The following RAE1 variants were observed in gnomAD, a reference collection of about 807,000 sequenced individuals.
The protein encoded by RAE1 is mRNA export factor RAE1.
In RAE1, 13 loss-of-function variants were observed where a neutral mutation model predicts 52.7. The ratio of observed to expected loss-of-function variants is 0.25; its 90% CI spans 0.16 to 0.39. RAE1 has a LOEUF of 0.39. RAE1 is among the 10% of genes least tolerant of loss of function. RAE1 has a pLI of 1.00. For missense variants in RAE1, 262 were observed against 459.8 expected, an observed-to-expected ratio of 0.57 and a Z score of 3.93; for synonymous variants, 164 against 153.1, an observed-to-expected ratio of 1.07 and a Z score of -0.52.
chr20:57,351,694 C>G, intron 1 of RAE1: 1 of 985,510 alleles, frequency 1.0e-6, no homozygotes, highest in Non-Finnish European at 1.2e-6. Context: ...TCTGTCCCTC[C>G]CCCTTACACG....
At chr20:57,370,656 C>A (rs1443759457) in intron 8 of RAE1, among the ~76,000 whole-genome samples, 1 of 152,234 alleles carries the variant, frequency 6.6e-6, no homozygotes, top group Non-Finnish European at 1.5e-5. Context: ...TCACATGTTA[C>A]CCTTGCCTCA....
intron 8 of RAE1, among the ~76,000 whole-genome samples, chr20:57,369,201 T>C (rs1384905793): frequency 6.6e-6 from 1 of 152,268 alleles, no homozygotes; most frequent in African/African-American, 2.4e-5. Flanking sequence ...ATATGGTTGA[T>C]GCTTTCATAC....
chr20:57,377,967 C>T, intron 11 of RAE1, 46 bp from the exon 12 acceptor site: 1 of 1,448,474 alleles, frequency 6.9e-7, no homozygotes, highest in Non-Finnish European at 9.5e-7. Flanking sequence ...CAAATGCTAA[C>T]TTTCTTTTGA....
intron 2 of RAE1, 27 bp from the exon 3 acceptor site, chr20:57,354,685 A>G (rs1041995215): frequency 1.3e-6 from 2 of 1,515,660 alleles, no homozygotes; most frequent in African/African-American, 1.4e-5. Context: ...GCGTGCATAC[A>G]TTTTAACATT....
chr20:57,354,882 C>A, intron 3 of RAE1, 66 bp downstream of exon 3: 1 of 1,234,444 alleles, frequency 8.1e-7, no homozygotes, highest in Non-Finnish European at 1.1e-6. Flanking sequence ...TTAGCTTTAG[C>A]TCCGTTGTTT....
intron 4 of RAE1, chr20:57,359,598 T>C (rs2066860932): frequency 6.6e-6 from 1 of 152,226 alleles, no homozygotes; most frequent in South Asian, 2.1e-4. Flanking sequence ...GTTTAAGTAA[T>C]TCTGTGGGTA....
At chr20:57,373,100 G>A (rs555811588) in intron 8 of RAE1, 1 of 248,082 alleles carries the variant, frequency 4.0e-6, no homozygotes, top group African/African-American at 2.3e-5. Context: ...GGAGGCAGAA[G>A]CGCAGAAGCT....
chr20:57,370,029 A>G (rs566052599), intron 8 of RAE1, among the ~76,000 whole-genome samples: 305 of 152,164 alleles, frequency 2.0e-3, no homozygotes, highest in Non-Finnish European at 3.5e-3. Context: ...GCCGCGTAGT[A>G]CTTCTCCCTT....
chr20:57,372,643 G>A (rs1425524838), intron 8 of RAE1: 3 of 152,256 alleles, frequency 2.0e-5, no homozygotes, highest in Non-Finnish European at 4.4e-5. Context: ...AGGAATGAAA[G>A]AGGAGGCCGT....
At chr20:57,374,466 T>C (rs760270105) in intron 10 of RAE1, 141 bp from the exon 11 acceptor site, 6 of 810,150 alleles carry the variant, frequency 7.4e-6, no homozygotes, top group African/African-American at 1.7e-5. Context: ...CTGGATAGTT[T>C]CTCTTGCTAT....
At chr20:57,367,739 C>CAA (rs374097734) in intron 7 of RAE1, among the ~76,000 whole-genome samples, 25 of 68,066 alleles carry the variant, frequency 3.7e-4, no homozygotes, top group Admixed American at 1.7e-3. Flanking sequence ...GATACTATCT[C>CAA]AAAAAAAAAA....
intron 8 of RAE1, chr20:57,373,093 G>GGCAGAAGC (rs900436399): frequency 2.9e-5 from 7 of 240,976 alleles, no homozygotes; most frequent in Admixed American, 2.1e-4. Context: ...CAGCTGGGGA[G>GGCAGAAGC]GCAGAAGCGC....
chr20:57,363,639 A>T (rs764040078), intron 4 of RAE1, among the ~76,000 whole-genome samples: 1 of 152,258 alleles, frequency 6.6e-6, no homozygotes, highest in Non-Finnish European at 1.5e-5. Flanking sequence ...ATTGCACTCC[A>T]AGCTGAGCAA....
chr20:57,364,036 C>T (rs2066922472), intron 4 of RAE1, among the ~76,000 whole-genome samples: 2 of 152,236 alleles, frequency 1.3e-5, no homozygotes, highest in Admixed American at 6.5e-5. Context: ...CAGCCTCCCT[C>T]ATGGAGCTTT....
At chr20:57,376,998 T>G (rs1444248549) in intron 11 of RAE1, among the ~76,000 whole-genome samples, 1 of 152,250 alleles carries the variant, frequency 6.6e-6, no homozygotes, top group African/African-American at 2.4e-5. Flanking sequence ...AGAAATTTGC[T>G]TCAGGGGTTT....
intron 11 of RAE1, among the ~76,000 whole-genome samples, chr20:57,375,260 C>T (rs898775673): frequency 6.8e-6 from 1 of 147,156 alleles, no homozygotes; most frequent in Non-Finnish European, 1.5e-5. Context: ...CTCTGCCCAA[C>T]CCCATGGGAA....
chr20:57,369,121 A>G (rs934260125), intron 8 of RAE1, among the ~76,000 whole-genome samples: 2 of 152,190 alleles, frequency 1.3e-5, no homozygotes, highest in Non-Finnish European at 2.9e-5. Context: ...CTGGTAAAAG[A>G]CAGATTAATA....
Position 57,365,343 on chromosome 20 carries a change from C to T in RAE1, c.289-13C>T, listed in dbSNP as rs1568786836. On this transcript the variant is annotated splice_polypyrimidine_tract_variant and intron_variant, in intron 4 of 11. Transcript: ENST00000395841. ...TTTTCTTAAAATGCAAAATTTTCTCCATTTTATTTTAGGATGGGAGCAAAG... is the reference window on the plus strand; with the variant it reads ...TTTTCTTAAAATGCAAAATTTTCTCTATTTTATTTTAGGATGGGAGCAAAG... 1.9e-6 allele frequency: 3 copies of T among 1,588,720 alleles called. No individual in the cohort carries two copies. Among genetic ancestry groups the T allele is most frequent in the South Asian group, 1.1e-5 (1 of 88,152 alleles).
intron 4 of RAE1, among the ~76,000 whole-genome samples, chr20:57,356,907 A>T (rs1000286074): frequency 2.0e-5 from 3 of 152,136 alleles, no homozygotes; most frequent in Admixed American, 6.5e-5. Context: ...GAGCCAGGGG[A>T]TGAACAGCTG....
Sources: allele counts gnomAD v4.1 joint callset (sites outside exome capture counted in the v4.1 genomes callset), GRCh38; gene constraint gnomAD v4.1.1; transcripts MANE v1.5; gene names NCBI Gene and HGNC (gene_info 2026-07-23, HGNC 2026-07-21).